Variants in PDE4B observed in about 807,000 individuals in gnomAD.
The protein encoded by PDE4B is 3',5'-cyclic-AMP phosphodiesterase 4B.
Under a neutral mutation model 82.2 loss-of-function variants are expected in PDE4B, and 20 were observed. The ratio of observed to expected loss-of-function variants is 0.24; its 90% CI spans 0.17 to 0.35. The LOEUF is 0.35. Ranked by LOEUF, PDE4B falls within the 10% of genes least tolerant of loss-of-function variation. The probability of loss-of-function intolerance (pLI) is 1.00; values close to 1 mark genes in which losing one functional copy is unlikely to be tolerated. For synonymous variants in PDE4B, 320 were observed against 318.9 expected (o/e 1.00, Z -0.04); for missense variants, 655 against 907.2 (o/e 0.72, Z 3.57).
intron 1 of PDE4B, among the ~76,000 whole-genome samples, chr1:65,799,064 G>C (rs1030948541): frequency 1.3e-5 from 2 of 152,178 alleles, no homozygotes; most frequent in Non-Finnish European, 2.9e-5. Flanking sequence ...CTGATATTTT[G>C]AATGGATTAA....
intron 3 of PDE4B, among the ~76,000 whole-genome samples, chr1:66,104,468 T>C (rs1261452000): frequency 1.4e-5 from 2 of 140,524 alleles, no homozygotes; most frequent in African/African-American, 5.3e-5. Flanking sequence ...ATGGGATGGC[T>C]GGGTCAAATG....
Position 65,926,329 on chromosome 1 carries a change from A to G in PDE4B, c.281+7494A>G, listed in dbSNP as rs1341817674. The stretch of plus-strand genomic sequence containing the variant: ...AGGTTTTGTTGAGATAACCTTGTGA[A>G]CAATATTACAGAAAACTTTCATAGC... On this transcript the variant is annotated intron_variant, in intron 3 of 16. Coordinates refer to ENST00000341517, the MANE Select transcript of PDE4B (RefSeq NM_002600.4). Among the ~76,000 whole-genome samples, 19 of 152,224 alleles carry G rather than the reference A, an allele frequency of 1.2e-4. 1 individual carries two copies. The highest frequency in any genetic ancestry group is 4.8e-5 in the African/African-American group (2 of 41,462).
chr1:65,805,285 T>C (rs1271381903), intron 1 of PDE4B, among the ~76,000 whole-genome samples: 4 of 152,154 alleles, frequency 2.6e-5, no homozygotes, highest in African/African-American at 9.7e-5. Flanking sequence ...CTCTTTTCAG[T>C]ACATGGATTT....
intron 1 of PDE4B, among the ~76,000 whole-genome samples, chr1:65,853,078 C>A (rs940934823): frequency 6.6e-6 from 1 of 152,068 alleles, no homozygotes; most frequent in Non-Finnish European, 1.5e-5. Context: ...TAGGTGCATA[C>A]AAATTTATAA....
intron 3 of PDE4B, among the ~76,000 whole-genome samples, chr1:65,938,700 T>C (rs1648284998): frequency 6.6e-6 from 1 of 152,184 alleles, no homozygotes; most frequent in Non-Finnish European, 1.5e-5. Flanking sequence ...GGTTTTTCCT[T>C]GGTTTAGCAA....
intron 3 of PDE4B, among the ~76,000 whole-genome samples, chr1:66,228,236 C>T (rs372013620): frequency 2.8e-4 from 42 of 152,244 alleles, no homozygotes; most frequent in East Asian, 2.5e-3. Flanking sequence ...CCGGCTCATT[C>T]GGAGAGACAC....
intron 3 of PDE4B, among the ~76,000 whole-genome samples, chr1:66,232,067 A>G (rs189838536): frequency 2.0e-5 from 3 of 152,358 alleles, no homozygotes; most frequent in Admixed American, 2.0e-4. Context: ...TTACAAGAAG[A>G]TTAAATTTCT....
chr1:65,863,417 C>T (rs1263685780), intron 1 of PDE4B, among the ~76,000 whole-genome samples: 1 of 152,186 alleles, frequency 6.6e-6, no homozygotes, highest in African/African-American at 2.4e-5. Flanking sequence ...GAGTGCTTTA[C>T]TTCCAATTAT....
chr1:65,890,090 A>G (rs1646836490), intron 1 of PDE4B, among the ~76,000 whole-genome samples: 1 of 152,092 alleles, frequency 6.6e-6, no homozygotes, highest in Non-Finnish European at 1.5e-5. Context: ...AGAACTGCTA[A>G]TCTTATAATT....
At chr1:66,347,679 T>A (rs1255161893) in intron 8 of PDE4B, among the ~76,000 whole-genome samples, 1 of 152,208 alleles carries the variant, frequency 6.6e-6, no homozygotes, top group Non-Finnish European at 1.5e-5. Context: ...CATTGTCTTT[T>A]ACCTCAAGGG....
intron 1 of PDE4B, among the ~76,000 whole-genome samples, chr1:65,850,638 T>C (rs181983636): frequency 3.9e-5 from 6 of 152,202 alleles, no homozygotes; most frequent in Admixed American, 3.3e-4. Context: ...TATAGCTGAG[T>C]AAGAGTGTGT....
chr1:66,013,111 C>A (rs942216215), intron 3 of PDE4B, among the ~76,000 whole-genome samples: 1 of 152,070 alleles, frequency 6.6e-6, no homozygotes, highest in Non-Finnish European at 1.5e-5. Flanking sequence ...GTCAGATTTT[C>A]AAAGATCTAT....
rs903657389 is a variant in PDE4B, at chr1:66,003,063, G to GT, written c.281+84237dup. On this transcript the variant is annotated intron_variant, in intron 3 of 16. Coordinates refer to ENST00000341517, the MANE Select transcript of PDE4B (RefSeq NM_002600.4). ...GGGTTGGTTGGTAAAGCAGGAACTA[G>GT]TTTTTTTTTATTTTTTGAAAAGCAT... Among the ~76,000 whole-genome samples, 165 of 151,614 alleles carry GT rather than the reference G, an allele frequency of 1.1e-3. 1 individual carries two copies. Among genetic ancestry groups the GT allele is most frequent in the Middle Eastern group, 6.9e-3 (2 of 290 alleles).
chr1:65,913,506 C>A, intron 2 of PDE4B, 150 bp downstream of exon 2: 1 of 691,326 alleles, frequency 1.4e-6, no homozygotes. Context: ...CTGGACCTGA[C>A]GTTCTGTGAG....
chr1:66,329,779 C>CCA (rs1659981111), intron 7 of PDE4B, among the ~76,000 whole-genome samples: 1 of 152,158 alleles, frequency 6.6e-6, no homozygotes, highest in Non-Finnish European at 1.5e-5. Flanking sequence ...AGGTCTAGGA[C>CCA]CACACAGTAA....
At chr1:66,276,925 G>A (rs934490519) in intron 7 of PDE4B, among the ~76,000 whole-genome samples, 1 of 152,070 alleles carries the variant, frequency 6.6e-6, no homozygotes, top group African/African-American at 2.4e-5. Context: ...GTTATTTTAC[G>A]TAAAGCATTT....
chr1:66,257,119 A>G (rs1654296335), intron 4 of PDE4B, among the ~76,000 whole-genome samples: 1 of 152,192 alleles, frequency 6.6e-6, no homozygotes, highest in African/African-American at 2.4e-5. Context: ...TTCCTTAGGT[A>G]CTTTAAGAAA....
At chr1:65,880,046 C>G (rs1024242760) in intron 1 of PDE4B, among the ~76,000 whole-genome samples, 3 of 152,196 alleles carry the variant, frequency 2.0e-5, no homozygotes, top group African/African-American at 7.2e-5. Context: ...ACAAGACTTG[C>G]AAAGGTGATG....
intron 7 of PDE4B, among the ~76,000 whole-genome samples, chr1:66,279,055 C>T (rs561180969): frequency 6.6e-6 from 1 of 152,204 alleles, no homozygotes; most frequent in African/African-American, 2.4e-5. Context: ...CAAGGCCTTC[C>T]CCTGATTTAC....
Sources: allele counts gnomAD v4.1 joint callset (sites outside exome capture counted in the v4.1 genomes callset), GRCh38; gene constraint gnomAD v4.1.1; transcripts MANE v1.5; gene names NCBI Gene and HGNC (gene_info 2026-07-23, HGNC 2026-07-21).